Variants in ABHD5 observed in about 807,000 individuals in gnomAD.
The protein encoded by ABHD5 is 1-acylglycerol-3-phosphate O-acyltransferase ABHD5.
In ABHD5, 30 loss-of-function variants were observed where a neutral mutation model predicts 44.9. That is an observed-to-expected ratio of 0.67 (90% CI 0.50 to 0.91). ABHD5 has a LOEUF of 0.91. ABHD5 is among the 40% of genes least tolerant of loss of function. The pLI is 0.00. For missense variants in ABHD5, 399 were observed against 423.4 expected, an observed-to-expected ratio of 0.94 and a Z score of 0.50; for synonymous variants, 167 against 147.0, an observed-to-expected ratio of 1.14 and a Z score of -0.99.
chr3:43,718,297 C>T lies in ABHD5; in HGVS notation c.961-146C>T, dbSNP rs1294886312. The T allele has an allele frequency of 6.8e-6, 5 of 740,050 alleles. No individual in the cohort carries two copies. The East Asian group carries it at 1.1e-4, about 16-fold the overall frequency. The allele number at this position is 740,050 out of a possible 1,614,324, so 45.8% of individuals were successfully genotyped here. A position where few individuals can be genotyped will look rare whatever the true frequency, so the allele number is the denominator to read the frequency against. ...TTTTAATGGATATACTTAATAGTTA[C>T]TATAGATTATTGTTATTTTTTAATC... is the stretch of plus-strand genomic sequence containing the variant. On this transcript the variant is annotated intron_variant, in intron 6 of 6. Coordinates refer to ENST00000644371, the MANE Select transcript of ABHD5 (RefSeq NM_016006.6).
intron 4 of ABHD5, among the ~76,000 whole-genome samples, chr3:43,714,257 C>A (rs2149604015): frequency 6.6e-6 from 1 of 151,934 alleles, no homozygotes; most frequent in East Asian, 1.9e-4. Flanking sequence ...GCCTCAGCCT[C>A]CTGAGTTGCT....
chr3:43,721,509 T>G lies in ABHD5; in HGVS notation c.*2977T>G, dbSNP rs1017591160. On this transcript the variant is annotated 3_prime_UTR_variant, in exon 7 of 7. Transcript: ENST00000644371. Reference sequence around the variant, plus strand: ...TGGGAGGCTGAGGCAGAAGGACTGCTTGAGACCAGGAATTCAAAACCAACC... The same window carrying G: ...TGGGAGGCTGAGGCAGAAGGACTGCGTGAGACCAGGAATTCAAAACCAACC... 1 of 151,012 alleles carries G rather than the reference T, an allele frequency of 6.6e-6. No individual in the cohort carries two copies. Among genetic ancestry groups the G allele is most frequent in the Non-Finnish European group, 1.5e-5 (1 of 67,834 alleles). The allele number at this position is 151,012 out of a possible 1,614,324, so 9.4% of individuals were successfully genotyped here.
At chr3:43,713,354 GAA>G (rs1559416884) in intron 4 of ABHD5, among the ~76,000 whole-genome samples, 276 of 147,464 alleles carry the variant, frequency 1.9e-3, no homozygotes, top group African/African-American at 6.7e-3. Context: ...GAAAAGAAAA[GAA>G]AAAAGAAAAG....
rs752029742 is a variant in ABHD5, at chr3:43,715,040, G to A, written c.755G>A (p.Cys252Tyr). 1.1e-5 allele frequency: 17 copies of A among 1,609,882 alleles called. No homozygotes were observed. In the South Asian group the frequency reaches 1.8e-4, roughly 17 times the overall value. The change falls in exon 5 of 7, where the codon TGT (cysteine) becomes TAT (tyrosine). Residue 252 changes from cysteine to tyrosine, a missense_variant. Transcript: ENST00000644371. ...ACTGTGACAGAATACATCTACCACT[G>A]TAATGTGCAGACTCCAAGGTGAGGG... Reference protein sequence around the residue: ...DDTVTEYIYHCNVQTPSGETA... With the variant: ...DDTVTEYIYHYNVQTPSGETA...
downstream of ABHD5, among the ~76,000 whole-genome samples, chr3:43,725,795 C>T (rs2084873394): frequency 6.6e-6 from 1 of 151,672 alleles, no homozygotes; most frequent in Non-Finnish European, 1.5e-5. Context: ...TCACAATGAC[C>T]AGGGTGGGAG....
intron 6 of ABHD5, 134 bp from the exon 7 acceptor site, chr3:43,718,309 G>A: frequency 2.6e-6 from 2 of 783,340 alleles, no homozygotes; most frequent in South Asian, 2.8e-5. Flanking sequence ...ATAGATTATT[G>A]TTATTTTTTA....
chr3:43,718,355 T>A, intron 6 of ABHD5, 88 bp from the exon 7 acceptor site: 1 of 1,086,670 alleles, frequency 9.2e-7, no homozygotes, highest in Non-Finnish European at 1.4e-6. Context: ...GGCTCTCACT[T>A]TTATTACTAA....
chr3:43,713,407 G>C (rs2084715058), intron 4 of ABHD5, among the ~76,000 whole-genome samples: 1 of 152,036 alleles, frequency 6.6e-6, no homozygotes, highest in South Asian at 2.1e-4. Context: ...GCATGGGGGT[G>C]TGGAGGAGGT....
chr3:43,704,354 A>G, intron 3 of ABHD5, among the ~76,000 whole-genome samples: 1 of 152,052 alleles, frequency 6.6e-6, no homozygotes, highest in Non-Finnish European at 1.5e-5. Context: ...ACTTTCTTTT[A>G]TTGTGTCCTA....
At chr3:43,717,973 G>A (rs576023495) in intron 6 of ABHD5, 116 bp downstream of exon 6, 7 of 1,358,446 alleles carry the variant, frequency 5.2e-6, no homozygotes, top group African/African-American at 2.9e-5. Flanking sequence ...CATACCTGCA[G>A]CCTCAGTCGG....
At position 43,717,642 on chromosome 3, in the gene ABHD5, A is replaced by G. The variant is rs766667165; in HGVS notation, c.774-29A>G. The G allele has an allele frequency of 3.7e-6, 6 of 1,610,804 alleles. No individual in the cohort carries two copies. The Admixed American group carries it at 6.7e-5, about 18-fold the overall frequency. On this transcript the variant is annotated intron_variant, in intron 5 of 6. Transcript: ENST00000644371. Reference sequence around the variant, plus strand: ...ATGCATACTCATTCCCAAAAATCATACATCGTGATTTTCTCCTTGCCGTTA... The same window carrying G: ...ATGCATACTCATTCCCAAAAATCATGCATCGTGATTTTCTCCTTGCCGTTA...
At chr3:43,702,829 A>G (rs1437169297) in intron 3 of ABHD5, among the ~76,000 whole-genome samples, 1 of 152,212 alleles carries the variant, frequency 6.6e-6, no homozygotes, top group Non-Finnish European at 1.5e-5. Context: ...TAAGCTTAGA[A>G]TTGTAGAAAC....
chr3:43,695,396 G>A (rs888609507), intron 1 of ABHD5, among the ~76,000 whole-genome samples: 7 of 152,112 alleles, frequency 4.6e-5, no homozygotes, highest in African/African-American at 1.7e-4. Flanking sequence ...AAATGAGATA[G>A]AGAGCTGTGC....
In ABHD5 at chr3:43,715,044, T is replaced by C. The variant is rs755484655; in HGVS notation, c.759T>C (p.Asn253=). 2 of 1,611,960 alleles carry C rather than the reference T, an allele frequency of 1.2e-6. No homozygotes were observed. Among genetic ancestry groups the C allele is most frequent in the Middle Eastern group, 1.7e-4 (1 of 6,056 alleles). Residue 253 remains asparagine (N), a synonymous_variant, in exon 5 of 7, where the codon AAT becomes AAC. Coordinates refer to ENST00000644371, the MANE Select transcript of ABHD5 (RefSeq NM_016006.6). ...TGACAGAATACATCTACCACTGTAA[T>C]GTGCAGACTCCAAGGTGAGGGTTAG... The part of the protein sequence containing the change: ...DTVTEYIYHC[N]VQTPSGETAF...
downstream of ABHD5, among the ~76,000 whole-genome samples, chr3:43,727,651 C>G (rs2149611867): frequency 6.6e-6 from 1 of 152,212 alleles, no homozygotes; most frequent in East Asian, 1.9e-4. Flanking sequence ...CTCTTGTTGC[C>G]AAGGCTGGAG....
chr3:43,726,317 A>G (rs1460771550), downstream of ABHD5, among the ~76,000 whole-genome samples: 2 of 152,194 alleles, frequency 1.3e-5, no homozygotes, highest in East Asian at 3.9e-4. Context: ...GGACTTAGGA[A>G]TGTCCCAACC....
At position 43,721,829 on chromosome 3, in the gene ABHD5, T is replaced by G. The variant is rs2084840248; in HGVS notation, c.*3297T>G. 1 of 152,042 alleles carries G rather than the reference T, an allele frequency of 6.6e-6. No homozygotes were observed. The highest frequency in any genetic ancestry group is 2.4e-5 in the African/African-American group (1 of 41,382). 9.4% of individuals were successfully genotyped at this position (152,042 alleles called of 1,614,324 possible). A position where few individuals can be genotyped will look rare whatever the true frequency, so the allele number is the denominator to read the frequency against. Reference sequence around the variant, plus strand: ...TAGGCAAAAGGATGTGAACAGACAGTTAACAGAAAATAGAATGCAAATGGT... The same window carrying G: ...TAGGCAAAAGGATGTGAACAGACAGGTAACAGAAAATAGAATGCAAATGGT... On this transcript the variant is annotated 3_prime_UTR_variant, in exon 7 of 7. Transcript: ENST00000644371.
chr3:43,720,081 C>T lies in ABHD5; in HGVS notation c.*1549C>T, dbSNP rs1004714723. The T allele has an allele frequency of 6.6e-6, 1 of 152,194 alleles. No homozygotes were observed. Among genetic ancestry groups the T allele is most frequent in the African/African-American group, 2.4e-5 (1 of 41,442 alleles). The allele number at this position is 152,194 out of a possible 1,614,324, so 9.4% of individuals were successfully genotyped here. ...TCTTCCCAATGAACAATTTGTCTCA[C>T]TTGTCAGATTAACTAGGTTAGTGCA... On this transcript the variant is annotated 3_prime_UTR_variant, in exon 7 of 7. Transcript: ENST00000644371.
chr3:43,698,284 T>G (rs570340056), intron 1 of ABHD5, among the ~76,000 whole-genome samples: 1 of 152,356 alleles, frequency 6.6e-6, no homozygotes, highest in South Asian at 2.1e-4. Flanking sequence ...CTACATCTTC[T>G]TGTCTCTATC....
Sources: gnomAD v4.1 joint callset for allele counts (sites outside exome capture counted in the v4.1 genomes callset) on GRCh38, gnomAD v4.1.1 for gene constraint, MANE v1.5 for transcripts, NCBI Gene and HGNC (gene_info 2026-07-23, HGNC 2026-07-21) for gene names.